ANO4: variants seen among roughly 807,000 people sequenced by gnomAD.
ANO4 encodes anoctamin 4.
A neutral mutation model predicts 141.9 loss-of-function variants in ANO4; 69 were observed. That is an observed-to-expected ratio of 0.49 (90% CI 0.40 to 0.59). ANO4 has a LOEUF of 0.59. Ranked by LOEUF, ANO4 falls within the 20% of genes least tolerant of loss-of-function variation. ANO4 has a pLI of 0.00. For synonymous variants in ANO4, 350 were observed against 394.3 expected (o/e 0.89, Z 1.33); for missense variants, 894 against 1,162.2 (o/e 0.77, Z 3.36).
chr12:100,783,401 C>T (rs1297286604), intron 3 of ANO4, among the ~76,000 whole-genome samples: 2 of 152,090 alleles, frequency 1.3e-5, no homozygotes, highest in African/African-American at 4.8e-5. Context: ...CCAAGTATTC[C>T]AGGTACCTCG....
intron 9 of ANO4, among the ~76,000 whole-genome samples, chr12:101,036,213 G>A (rs1325916921): frequency 1.3e-5 from 2 of 152,156 alleles, no homozygotes; most frequent in African/African-American, 4.8e-5. Flanking sequence ...GTTGGCAAGT[G>A]TGTGGAGAAA....
intron 17 of ANO4, among the ~76,000 whole-genome samples, chr12:101,089,288 T>C (rs2049643761): frequency 6.6e-6 from 1 of 152,080 alleles, no homozygotes; most frequent in Admixed American, 6.6e-5. Flanking sequence ...TGCAGGTAGC[T>C]CATTATTAGT....
intron 14 of ANO4, among the ~76,000 whole-genome samples, chr12:101,073,436 G>C (rs755993344): frequency 2.4e-4 from 37 of 152,042 alleles, no homozygotes; most frequent in Non-Finnish European, 5.1e-4. Context: ...GTGGGGGGCA[G>C]GGAGAGGGAT....
intron 1 of ANO4, among the ~76,000 whole-genome samples, chr12:100,842,396 A>G (rs893628565): frequency 8.2e-5 from 12 of 146,336 alleles, no homozygotes; most frequent in African/African-American, 3.0e-4. Context: ...GCTGTTTGCA[A>G]GTGTGTGTAT....
intron 5 of ANO4, among the ~76,000 whole-genome samples, chr12:100,962,327 C>G (rs747799310): frequency 6.6e-6 from 1 of 152,194 alleles, no homozygotes; most frequent in Non-Finnish European, 1.5e-5. Context: ...GCTGGGAATA[C>G]AACTGTGGAG....
At chr12:101,106,408 G>A (rs2050441790) in intron 22 of ANO4, among the ~76,000 whole-genome samples, 1 of 151,806 alleles carries the variant, frequency 6.6e-6, no homozygotes, top group South Asian at 2.1e-4. Context: ...AGTTGAACTA[G>A]GTCTATATAG....
At chr12:100,758,894 C>A (rs775035703) in intron 3 of ANO4, among the ~76,000 whole-genome samples, 16 of 152,148 alleles carry the variant, frequency 1.1e-4, no homozygotes, top group Non-Finnish European at 2.1e-4. Flanking sequence ...CTACACATGG[C>A]CTTCTCTTTG....
intron 3 of ANO4, among the ~76,000 whole-genome samples, chr12:100,767,534 A>C (rs933680606): frequency 2.0e-5 from 3 of 152,194 alleles, no homozygotes; most frequent in African/African-American, 7.2e-5. Context: ...TTAATCTGAT[A>C]ATTTAGACAG....
rs535989866 is a variant in ANO4, at chr12:100,840,882, C to T, written c.-141+45855C>T. ...TTTCCTGCATTTGTCTTTGGCTAGC[C>T]TTCTCTAAATGCACCATAACTCACC... On this transcript the variant is annotated intron_variant, in intron 1 of 27. Coordinates refer to ENST00000392977, the MANE Select transcript of ANO4 (RefSeq NM_001286615.2). Among the ~76,000 whole-genome samples, 5 of 152,246 alleles carry T rather than the reference C, an allele frequency of 3.3e-5. No homozygotes were observed. In the East Asian group the frequency reaches 7.7e-4, roughly 24 times the overall value.
chr12:100,982,833 A>G (rs1303296990), intron 7 of ANO4, among the ~76,000 whole-genome samples: 7 of 152,242 alleles, frequency 4.6e-5, no homozygotes, highest in Non-Finnish European at 1.0e-4. Flanking sequence ...GTTTGAATTA[A>G]TCACATAAGT....
intron 2 of ANO4, among the ~76,000 whole-genome samples, chr12:100,912,395 AAAAAAAAAAAAAAAGAAAAAAG>A (rs1359014900): frequency 1.8e-5 from 2 of 112,826 alleles, no homozygotes; most frequent in African/African-American, 6.4e-5. Context: ...ACTCTGTCAA[AAAAAAAAAAAAAAAGAAAAAAG>A]AAAAAAAAAA....
intron 5 of ANO4, among the ~76,000 whole-genome samples, chr12:100,957,743 G>A (rs951950278): frequency 2.0e-5 from 3 of 152,132 alleles, no homozygotes; most frequent in Non-Finnish European, 4.4e-5. Flanking sequence ...GGCGTACACC[G>A]CCAAGCCCGG....
At chr12:101,106,894 A>G (rs969243408) in intron 22 of ANO4, among the ~76,000 whole-genome samples, 1 of 151,510 alleles carries the variant, frequency 6.6e-6, no homozygotes, top group Admixed American at 6.6e-5. Context: ...TTCCCTTGAA[A>G]AAAAAAAGCA....
chr12:100,858,370 T>G (rs1023923794), intron 1 of ANO4, among the ~76,000 whole-genome samples: 11 of 152,130 alleles, frequency 7.2e-5, no homozygotes, highest in African/African-American at 2.7e-4. Context: ...TATTATAATT[T>G]TATGGGACCG....
At chr12:101,086,876 G>C (rs1228374276) in intron 17 of ANO4, 52 bp downstream of exon 17, 9 of 1,586,490 alleles carry the variant, frequency 5.7e-6, no homozygotes, top group Non-Finnish European at 7.7e-6. Flanking sequence ...TGGGCTGCAA[G>C]TGACAGTTTT....
chr12:101,109,977 G>C (rs1480355454), intron 22 of ANO4, among the ~76,000 whole-genome samples: 1 of 152,100 alleles, frequency 6.6e-6, no homozygotes, highest in African/African-American at 2.4e-5. Flanking sequence ...AATTGTTCCA[G>C]ATTTGGCCGT....
At chr12:101,049,134 C>T (rs138558271) in intron 14 of ANO4, among the ~76,000 whole-genome samples, 5 of 152,274 alleles carry the variant, frequency 3.3e-5, no homozygotes, top group East Asian at 1.9e-4. Context: ...AAGTGAACAA[C>T]GAGGAGAGAC....
intron 1 of ANO4, among the ~76,000 whole-genome samples, chr12:100,809,027 G>A (rs1013393226): frequency 1.3e-5 from 2 of 152,122 alleles, no homozygotes; most frequent in Non-Finnish European, 2.9e-5. Context: ...GAAATATGAA[G>A]ACTAATAAGA....
At chr12:100,975,888 A>G (rs2044162262) in intron 7 of ANO4, among the ~76,000 whole-genome samples, 1 of 142,064 alleles carries the variant, frequency 7.0e-6, no homozygotes, top group Non-Finnish European at 1.5e-5. Flanking sequence ...ACATATGCAG[A>G]TGTATAGCCT....
Sources: gnomAD v4.1 joint callset for allele counts (sites outside exome capture counted in the v4.1 genomes callset) on GRCh38, gnomAD v4.1.1 for gene constraint, MANE v1.5 for transcripts, NCBI Gene and HGNC (gene_info 2026-07-23, HGNC 2026-07-21) for gene names.